The following ECPAS variants were observed in gnomAD, a reference collection of about 807,000 sequenced individuals.
ECPAS encodes proteasome adapter and scaffold protein ECM29.
Under a neutral mutation model 255.1 loss-of-function variants are expected in ECPAS, and 70 were observed. The observed-to-expected ratio is 0.27, with a 90% CI of 0.23 to 0.33. ECPAS has a LOEUF of 0.33. ECPAS is among the 10% of genes least tolerant of loss of function. The pLI is 1.00. For synonymous variants in ECPAS, 784 were observed against 775.0 expected, an observed-to-expected ratio of 1.01 and a Z score of -0.19; for missense variants, 1,817 against 2,206.4, an observed-to-expected ratio of 0.82 and a Z score of 3.54.
At chr9:111,428,202 T>C in intron 9 of ECPAS, 41 bp from the exon 10 acceptor site, 1 of 1,573,574 alleles carries the variant, frequency 6.4e-7, no homozygotes. Context: ...CAATTCAAAA[T>C]TATTTTGAAC....
chr9:111,476,888 C>A (rs1390583128), intron 1 of ECPAS, among the ~76,000 whole-genome samples: 1 of 152,050 alleles, frequency 6.6e-6, no homozygotes, highest in Non-Finnish European at 1.5e-5. Flanking sequence ...GTCTTGAACT[C>A]CTGACCTCAA....
chr9:111,438,421 T>A lies in ECPAS; in HGVS notation c.540-1313A>T, dbSNP rs369315572. Reference sequence around the variant, plus strand: ...TGGGAGGATCGCTTGAGTCCAGGAGTTTGGTGACCCCCTATCTCTACAAAA... The same window carrying A: ...TGGGAGGATCGCTTGAGTCCAGGAGATTGGTGACCCCCTATCTCTACAAAA... On this transcript the variant is annotated intron_variant, in intron 6 of 49. Transcript: ENST00000684092. Among the ~76,000 whole-genome samples, 17 of 151,480 alleles carry A rather than the reference T, an allele frequency of 1.1e-4. No individual in the cohort carries two copies. The East Asian group carries it at 1.9e-3, about 17-fold the overall frequency.
At position 111,371,783 on chromosome 9, in the gene ECPAS, A is replaced by G; in HGVS notation, c.4575T>C (p.Ile1525=). ...IRLYLQELIT[I]TQKALQSQSW... ...ACTGAGACTGCAAAGCCTTCTGGGT[A>G]ATAGTAATTAACTCCTGCAGGTATA... Residue 1525 remains isoleucine (I), a synonymous_variant, in exon 43 of 50, where the codon ATT becomes ATC. Transcript: ENST00000684092. 6.2e-7 allele frequency: 1 copy of G among 1,613,864 alleles called. No individual in the cohort carries two copies. The highest frequency in any genetic ancestry group is 1.1e-5 in the South Asian group (1 of 91,078).
At chr9:111,377,563 A>T (rs149558554) in intron 36 of ECPAS, among the ~76,000 whole-genome samples, 2 of 152,360 alleles carry the variant, frequency 1.3e-5, no homozygotes, top group East Asian at 3.9e-4. Context: ...AGAACACTAT[A>T]CATACATTAA....
At position 111,394,251 on chromosome 9, in the gene ECPAS, T is replaced by C. The variant is rs774709947; in HGVS notation, c.2831A>G (p.His944Arg). The C allele has an allele frequency of 3.1e-6, 5 of 1,603,418 alleles. No individual in the cohort carries two copies. Among genetic ancestry groups the C allele is most frequent in the Non-Finnish European group, 4.3e-6 (5 of 1,174,778 alleles). ...PWVLDVILNK[H>R]IISPNPHVRQ... ...CACGTGTGGGTTGGGGCTGATGATA[T>C]GTTTATTTAAAATCACATCCAACAC... Residue 944 changes from histidine to arginine, a missense_variant, in exon 26 of 50, where the codon CAT becomes CGT. Coordinates refer to ENST00000684092, the MANE Select transcript of ECPAS (RefSeq NM_001364929.1).
chr9:111,398,869 G>A (rs1041974740), intron 24 of ECPAS, among the ~76,000 whole-genome samples: 2 of 152,036 alleles, frequency 1.3e-5, no homozygotes, highest in South Asian at 2.1e-4. Context: ...CTCAGGAGGT[G>A]GAGGTTGCAG....
intron 2 of ECPAS, among the ~76,000 whole-genome samples, chr9:111,465,491 G>T (rs751582108): frequency 4.6e-5 from 7 of 152,010 alleles, no homozygotes; most frequent in Non-Finnish European, 8.8e-5. Flanking sequence ...AGTGAGCCGA[G>T]ATCGTGCCAT....
At chr9:111,381,780 T>A (rs2098140825) in intron 35 of ECPAS, among the ~76,000 whole-genome samples, 2 of 152,182 alleles carry the variant, frequency 1.3e-5, no homozygotes, top group African/African-American at 4.8e-5. Context: ...GTATCCAAAT[T>A]TCTCTGTTTC....
At chr9:111,385,071 T>C (rs892448969) in intron 33 of ECPAS, among the ~76,000 whole-genome samples, 1 of 152,154 alleles carries the variant, frequency 6.6e-6, no homozygotes, top group African/African-American at 2.4e-5. Context: ...TCCAAAACTG[T>C]TATTTGTCCC....
intron 37 of ECPAS, 111 bp from the exon 38 acceptor site, chr9:111,375,313 T>C (rs745582711): frequency 1.6e-5 from 12 of 753,030 alleles, no homozygotes; most frequent in Admixed American, 4.0e-5. Context: ...TGACATGAAG[T>C]TGAAAAATCA....
At chr9:111,453,569 G>C (rs1003156542) in intron 2 of ECPAS, among the ~76,000 whole-genome samples, 6 of 152,194 alleles carry the variant, frequency 3.9e-5, no homozygotes, top group Middle Eastern at 3.4e-3. Context: ...TACTTCTTTA[G>C]AATACAAAAA....
rs755998561 is a variant in ECPAS at position 111,411,030 on chromosome 9, T to A, written c.2327A>T (p.Asp776Val). The A allele has an allele frequency of 3.1e-6, 5 of 1,613,806 alleles. No individual in the cohort carries two copies. The East Asian group carries it at 1.1e-4, about 36-fold the overall frequency. The change falls in exon 22 of 50, where the codon GAC (aspartate) becomes GTC (valine). Residue 776 changes from aspartate (D) to valine (V), a missense_variant. Asp to Val is a radical substitution (Grantham distance 152). Around this residue, in one of 4 missense-constraint regions of ECPAS, gnomAD observed 194 missense variants for 152.8 expected, o/e 1.27. Coordinates refer to ENST00000684092, the MANE Select transcript of ECPAS (RefSeq NM_001364929.1). ...GAGTTCCTCTTGATCAGGGAGGGTG[T>A]CAGCATTTCTCTCCAGGTCTTGTTG... ...SEQQDLERNA[D>V]TLPDQEELIQ... is the part of the protein sequence containing the mutation.
intron 35 of ECPAS, among the ~76,000 whole-genome samples, chr9:111,380,766 T>C (rs1294831789): frequency 6.6e-6 from 1 of 152,268 alleles, no homozygotes; most frequent in Non-Finnish European, 1.5e-5. Context: ...TATCAGCAAC[T>C]GCTGCTTCAC....
chr9:111,402,809 A>C (rs2098178179), intron 24 of ECPAS, among the ~76,000 whole-genome samples: 1 of 152,202 alleles, frequency 6.6e-6, no homozygotes. Context: ...AACTCAAAAA[A>C]GTCTAAACAG....
At chr9:111,389,423 T>C (rs995187840) in intron 31 of ECPAS, 133 bp downstream of exon 31, 24 of 771,042 alleles carry the variant, frequency 3.1e-5, no homozygotes, top group Non-Finnish European at 4.0e-5. Flanking sequence ...AAGCATGGAA[T>C]GAAAGACAAT....
At chr9:111,453,344 T>A (rs908038477) in intron 2 of ECPAS, among the ~76,000 whole-genome samples, 1 of 151,968 alleles carries the variant, frequency 6.6e-6, no homozygotes, top group African/African-American at 2.4e-5. Context: ...AGGAACAAAA[T>A]AAATAACAGC....
intron 1 of ECPAS, chr9:111,483,573 C>A: frequency 5.4e-6 from 1 of 185,636 alleles, no homozygotes; most frequent in Non-Finnish European, 9.5e-6. Flanking sequence ...GAGGGAGGGG[C>A]TGGGGGGGCA....
chr9:111,430,429 G>C, intron 9 of ECPAS, 118 bp downstream of exon 9: 1 of 705,792 alleles, frequency 1.4e-6, no homozygotes, highest in South Asian at 1.6e-5. Flanking sequence ...CTTAAAACTA[G>C]CATTTTGTTA....
chr9:111,380,767 G>A (rs2098139616), intron 35 of ECPAS, among the ~76,000 whole-genome samples: 1 of 152,314 alleles, frequency 6.6e-6, no homozygotes, highest in South Asian at 2.1e-4. Flanking sequence ...ATCAGCAACT[G>A]CTGCTTCACC....
Sources: gnomAD v4.1 joint callset for allele counts (sites outside exome capture counted in the v4.1 genomes callset) on GRCh38, gnomAD v4.1.1 for gene constraint, gnomAD v4.1.1 regional missense constraint, MANE v1.5 for transcripts, NCBI Gene and HGNC (gene_info 2026-07-23, HGNC 2026-07-21) for gene names.